Variants in MCTP1 observed in about 807,000 individuals in gnomAD.
MCTP1 encodes the protein multiple C2 and transmembrane domain containing 1, also known as multiple C2 and transmembrane domain-containing protein 1.
In MCTP1, 69 loss-of-function variants were observed where a neutral mutation model predicts 120.6. The observed-to-expected ratio is 0.57, with a 90% CI of 0.47 to 0.70. The LOEUF is 0.70. Among genes scored for constraint, MCTP1 ranks in the 30% least tolerant of loss-of-function variants. The probability of loss-of-function intolerance (pLI) is 0.00; values close to 1 mark genes in which losing one functional copy is unlikely to be tolerated. For synonymous variants in MCTP1, 529 were observed against 493.1 expected (o/e 1.07, Z -0.96); for missense variants, 1,203 against 1,248.8 (o/e 0.96, Z 0.55).
intron 1 of MCTP1, among the ~76,000 whole-genome samples, chr5:95,121,007 G>A (rs184252249): frequency 5.9e-5 from 9 of 151,984 alleles, no homozygotes; most frequent in African/African-American, 1.9e-4. Flanking sequence ...GGCCAGGCGC[G>A]GTGGCTCATG....
intron 1 of MCTP1, among the ~76,000 whole-genome samples, chr5:95,185,846 C>A (rs189109582): frequency 8.6e-5 from 13 of 151,934 alleles, no homozygotes; most frequent in Non-Finnish European, 1.9e-4. Context: ...AAAAATAAGC[C>A]GGACATGGTG....
At chr5:95,097,213 A>G (rs1485191494) in intron 1 of MCTP1, among the ~76,000 whole-genome samples, 1 of 152,244 alleles carries the variant, frequency 6.6e-6, no homozygotes, top group Non-Finnish European at 1.5e-5. Flanking sequence ...AAGCCTATAA[A>G]CAAATAAATA....
chr5:94,940,306 T>C, intron 4 of MCTP1, 111 bp from the exon 5 acceptor site: 1 of 605,670 alleles, frequency 1.7e-6, no homozygotes, highest in East Asian at 3.0e-5. Context: ...CTTCCTTTAC[T>C]TTCTTGGGAC....
chr5:94,755,883 A>G (rs1300049231), intron 19 of MCTP1, among the ~76,000 whole-genome samples: 2 of 152,146 alleles, frequency 1.3e-5, no homozygotes, highest in Non-Finnish European at 2.9e-5. Context: ...TTCTACTTCT[A>G]CCATCTGCTA....
At chr5:95,065,924 A>C (rs1750547040) in intron 1 of MCTP1, among the ~76,000 whole-genome samples, 2 of 152,212 alleles carry the variant, frequency 1.3e-5, no homozygotes, top group African/African-American at 4.8e-5. Context: ...ACAACATAAG[A>C]AAAATGCTTT....
intron 2 of MCTP1, among the ~76,000 whole-genome samples, chr5:94,975,664 C>T (rs1827936694): frequency 6.6e-6 from 1 of 152,002 alleles, no homozygotes; most frequent in Admixed American, 6.6e-5. Context: ...CAACAGACAT[C>T]CCATCTATAG....
intron 1 of MCTP1, among the ~76,000 whole-genome samples, chr5:95,152,097 T>C (rs1215522934): frequency 1.3e-5 from 2 of 152,180 alleles, no homozygotes; most frequent in Non-Finnish European, 2.9e-5. Context: ...AAATCTAAAG[T>C]CATTTAATAC....
At chr5:94,870,247 A>AG (rs1271019095) in intron 16 of MCTP1, among the ~76,000 whole-genome samples, 170 bp downstream of exon 16, 1 of 152,140 alleles carries the variant, frequency 6.6e-6, no homozygotes, top group Non-Finnish European at 1.5e-5. Flanking sequence ...AAAGAAAGGA[A>AG]GGAAGAAAGA....
At chr5:94,980,632 T>C (rs1829185144) in intron 2 of MCTP1, among the ~76,000 whole-genome samples, 1 of 152,128 alleles carries the variant, frequency 6.6e-6, no homozygotes, top group Non-Finnish European at 1.5e-5. Flanking sequence ...GGCTAGTCCT[T>C]ATTTCATAGA....
At position 95,056,539 on chromosome 5, in the gene MCTP1, T is replaced by C. The variant is rs143354978; in HGVS notation, c.721-39055A>G. The stretch of plus-strand genomic sequence containing the variant: ...CTGACTTAAATGAATTATCAAGGAT[T>C]AATTCATACTATAGATGTAATTTTC... On this transcript the variant is annotated intron_variant, in intron 1 of 22. Coordinates refer to ENST00000515393, the MANE Select transcript of MCTP1 (RefSeq NM_024717.7). Among the ~76,000 whole-genome samples, 476 of 152,282 alleles carry C rather than the reference T, an allele frequency of 3.1e-3. 2 individuals are homozygous for C. The Middle Eastern group carries it at 0.054, about 17-fold the overall frequency.
chr5:95,130,893 G>T (rs1163013137), intron 1 of MCTP1, among the ~76,000 whole-genome samples: 1 of 152,134 alleles, frequency 6.6e-6, no homozygotes, highest in African/African-American at 2.4e-5. Context: ...TAGGTGCAAG[G>T]AATTAGAATT....
At chr5:95,180,036 TAA>T (rs1210323437) in intron 1 of MCTP1, among the ~76,000 whole-genome samples, 1 of 152,122 alleles carries the variant, frequency 6.6e-6, no homozygotes, top group Non-Finnish European at 1.5e-5. Context: ...CAACAGCAGT[TAA>T]GAAAGACAAA....
At chr5:94,809,318 G>T (rs1277803870) in intron 17 of MCTP1, among the ~76,000 whole-genome samples, 1 of 151,950 alleles carries the variant, frequency 6.6e-6, no homozygotes, top group Non-Finnish European at 1.5e-5. Flanking sequence ...GAGATGAAAG[G>T]CTCTGGCTTT....
chr5:94,912,720 T>C, intron 9 of MCTP1, 86 bp downstream of exon 9: 1 of 1,040,506 alleles, frequency 9.6e-7, no homozygotes, highest in Non-Finnish European at 1.3e-6. Context: ...TAAAACATTA[T>C]CTAGTGGTTT....
intron 17 of MCTP1, among the ~76,000 whole-genome samples, chr5:94,799,510 A>C (rs901819607): frequency 6.6e-6 from 1 of 152,162 alleles, no homozygotes; most frequent in Non-Finnish European, 1.5e-5. Context: ...ATGATAAAAA[A>C]TGAATCACTA....
At position 95,285,088 on chromosome 5, in the gene MCTP1, C is replaced by T. The variant is rs958397420; in HGVS notation, c.-513G>A. 3.9e-5 allele frequency among the ~76,000 whole-genome samples: 6 copies of T among 152,202 alleles called. No individual in the cohort carries two copies. The highest frequency in any genetic ancestry group is 1.4e-4 in the African/African-American group (6 of 41,462). On this transcript the variant is annotated 5_prime_UTR_variant, in exon 1 of 23. Coordinates refer to ENST00000515393, the MANE Select transcript of MCTP1 (RefSeq NM_024717.7). ...CGCGCACGCGGCTCACACAACAAGG[C>T]GCGTCTGGCTGGAGACTCCGGGGAC...
rs184457410 is a variant in MCTP1, at chr5:94,975,161, T to C, written c.839-21800A>G. ...TGAAAGAAGACTGGCCATGGTGGGG[T>C]AGGACACTCAAGACAAAGGGAAAGG... On this transcript the variant is annotated intron_variant, in intron 2 of 22. Coordinates refer to ENST00000515393, the MANE Select transcript of MCTP1 (RefSeq NM_024717.7). Among the ~76,000 whole-genome samples, 675 of 152,022 alleles carry C rather than the reference T, an allele frequency of 4.4e-3. 4 individuals carry two copies. The highest frequency in any genetic ancestry group is 0.015 in the African/African-American group (640 of 41,464).
intron 2 of MCTP1, among the ~76,000 whole-genome samples, chr5:94,970,712 C>T (rs1356923738): frequency 6.6e-6 from 1 of 151,986 alleles, no homozygotes; most frequent in Admixed American, 6.6e-5. Flanking sequence ...CTGAAATATG[C>T]TACCATGTTT....
At chr5:94,892,082 C>T (rs17084212) in intron 11 of MCTP1, among the ~76,000 whole-genome samples, 4,289 of 152,074 alleles carry the variant, frequency 0.028, 214 homozygotes, top group African/African-American at 0.098. Flanking sequence ...AGCTCTATTA[C>T]GGGAGAGGCA....
Sources: allele counts gnomAD v4.1 joint callset (sites outside exome capture counted in the v4.1 genomes callset), GRCh38; gene constraint gnomAD v4.1.1; transcripts MANE v1.5; gene names NCBI Gene and HGNC (gene_info 2026-07-23, HGNC 2026-07-21).